ZBTB16: variants seen among roughly 807,000 people sequenced by gnomAD.
ZBTB16 encodes zinc finger and BTB domain containing 16, also known as zinc finger and BTB domain-containing protein 16.
ZBTB16 carries 8 observed loss-of-function variants against 56.8 expected under a neutral mutation model. The observed-to-expected ratio is 0.14, with a 90% CI of 0.08 to 0.25. The LOEUF is 0.25. Among genes scored for constraint, ZBTB16 ranks in the 10% least tolerant of loss-of-function variants. The pLI is 1.00. For synonymous variants in ZBTB16, 363 were observed against 368.5 expected, an observed-to-expected ratio of 0.98 and a Z score of 0.17; for missense variants, 625 against 903.0, an observed-to-expected ratio of 0.69 and a Z score of 3.95.
chr11:114,095,117 G>A (rs1020558392), intron 2 of ZBTB16, among the ~76,000 whole-genome samples: 1 of 152,234 alleles, frequency 6.6e-6, no homozygotes, highest in African/African-American at 2.4e-5. Context: ...GCACAAAGAT[G>A]TAGGAGTGGT....
intron 3 of ZBTB16, among the ~76,000 whole-genome samples, chr11:114,161,613 G>T (rs57165812): frequency 6.6e-5 from 10 of 152,190 alleles, no homozygotes; most frequent in African/African-American, 2.2e-4. Context: ...GCCACCTATG[G>T]AAGTGGGTGG....
At position 114,252,514 on chromosome 11, in the gene ZBTB16, C is replaced by G. The variant is rs1054823116; in HGVS notation, c.*1959C>G. 6.6e-6 allele frequency among the ~76,000 whole-genome samples: 1 copy of G among 152,202 alleles called. No homozygotes were observed. The highest frequency in any genetic ancestry group is 2.4e-5 in the African/African-American group (1 of 41,440). On this transcript the variant is annotated 3_prime_UTR_variant, in exon 7 of 7. Transcript: ENST00000335953. ...TCCCATTCTGCTGCTCTTCCTCCCT[C>G]TTTTCCCCAACCTCCCCCGACCCTC...
At chr11:114,249,636 G>C (rs916834214) in intron 6 of ZBTB16, among the ~76,000 whole-genome samples, 2 of 146,250 alleles carry the variant, frequency 1.4e-5, no homozygotes, top group African/African-American at 5.1e-5. Context: ...GCGGTGGCAG[G>C]CGCCTGTAGT....
intron 4 of ZBTB16, among the ~76,000 whole-genome samples, chr11:114,216,933 G>A (rs534828869): frequency 6.4e-5 from 2 of 31,346 alleles, no homozygotes; most frequent in South Asian, 1.6e-3. Context: ...TGAGTGCAGC[G>A]ATAGAGATAT....
At chr11:114,204,458 C>T (rs1943807770) in intron 4 of ZBTB16, among the ~76,000 whole-genome samples, 1 of 152,160 alleles carries the variant, frequency 6.6e-6, no homozygotes, top group South Asian at 2.1e-4. Flanking sequence ...CTTTTATTCA[C>T]AAATGGGGCT....
At chr11:114,188,511 T>C (rs2135065185) in intron 4 of ZBTB16, 1 of 152,318 alleles carries the variant, frequency 6.6e-6, no homozygotes, top group East Asian at 1.9e-4. Flanking sequence ...TTAGGGTTGT[T>C]GTGGGGATGA....
intron 2 of ZBTB16, among the ~76,000 whole-genome samples, chr11:114,083,356 C>T (rs1416114063): frequency 6.6e-6 from 1 of 152,148 alleles, no homozygotes; most frequent in Non-Finnish European, 1.5e-5. Context: ...ATCCTCCTTC[C>T]CTGCCCGAAA....
chr11:114,184,746 C>T (rs1943325160), intron 3 of ZBTB16, among the ~76,000 whole-genome samples: 1 of 152,154 alleles, frequency 6.6e-6, no homozygotes, highest in East Asian at 1.9e-4. Context: ...TAGTGTCATG[C>T]CTGGCATATA....
At chr11:114,124,557 C>CAAAAAAAAAAAAAAAAAAAAAAAA (rs1381254014) in intron 2 of ZBTB16, among the ~76,000 whole-genome samples, 3 of 41,056 alleles carry the variant, frequency 7.3e-5, no homozygotes, top group Non-Finnish European at 9.9e-5. Context: ...AAAAAAAAAC[C>CAAAAAAAAAAAAAAAAAAAAAAAA]AAAAAAAAAA....
chr11:114,156,583 C>A, intron 3 of ZBTB16, 149 bp downstream of exon 3: 1 of 769,308 alleles, frequency 1.3e-6, no homozygotes, highest in Non-Finnish European at 2.2e-6. Context: ...TCCCTCCAGG[C>A]TTATGACACA....
chr11:114,139,806 G>T (rs553038892), intron 2 of ZBTB16, among the ~76,000 whole-genome samples: 1 of 152,172 alleles, frequency 6.6e-6, no homozygotes, highest in African/African-American at 2.4e-5. Context: ...TGATATTCAC[G>T]CAAAGAATCT....
At chr11:114,088,791 T>G (rs1223719347) in intron 2 of ZBTB16, among the ~76,000 whole-genome samples, 2 of 152,236 alleles carry the variant, frequency 1.3e-5, no homozygotes, top group East Asian at 3.9e-4. Context: ...TGAAGTTTTT[T>G]CTTTTATCTT....
intron 2 of ZBTB16, among the ~76,000 whole-genome samples, chr11:114,148,802 T>G (rs1388867839): frequency 6.6e-6 from 1 of 151,900 alleles, no homozygotes; most frequent in Non-Finnish European, 1.5e-5. Flanking sequence ...TGCCTGGCTT[T>G]CTTTCTAAGA....
intron 2 of ZBTB16, among the ~76,000 whole-genome samples, chr11:114,096,594 A>G (rs1205787407): frequency 6.6e-6 from 1 of 152,030 alleles, no homozygotes; most frequent in Non-Finnish European, 1.5e-5. Flanking sequence ...CAGTAATGGC[A>G]TATTGAGACT....
rs1187516241 is a variant in ZBTB16, at chr11:114,215,284, T to C, written c.1454-26883T>C. 2.0e-5 allele frequency among the ~76,000 whole-genome samples: 3 copies of C among 152,238 alleles called. No individual in the cohort carries two copies. The South Asian group carries it at 6.2e-4, about 32-fold the overall frequency. ...AAATAACTTGTTTTAGAAGTTGGCC[T>C]TCTTGCTTCTCTTGAGTGGCCCAGG... On this transcript the variant is annotated intron_variant, in intron 4 of 6. Coordinates refer to ENST00000335953, the MANE Select transcript of ZBTB16 (RefSeq NM_006006.6).
rs147951342 is a variant in ZBTB16 at position 114,063,714 on chromosome 11, C to T, written c.414C>T (p.Ala138=). ...ACAATGACACGGAGGCCACCATGGC[C>T]GATGGCGGGGCCGAGGAAGAAGAGG... ...SDDNDTEATM[A]DGGAEEEEDR... Residue 138 remains alanine (A), a synonymous_variant, in exon 2 of 7, where the codon GCC becomes GCT. Transcript: ENST00000335953. This position sits in a 1 kb window ranked among gnomAD's most constrained non-coding sequence, Gnocchi z 6.5. 2.0e-4 allele frequency: 324 copies of T among 1,614,036 alleles called. 1 individual carries two copies. The highest frequency in any genetic ancestry group is 4.9e-4 in the Middle Eastern group (3 of 6,062).
rs17116666 is a variant in ZBTB16 at position 114,207,291 on chromosome 11, G to A, written c.1453+20253G>A. ...CAAGCAAAGGTTCCCACCTCAACCCGGATGAGTCAGAACCTCCTGCATGGG... is the reference window on the plus strand; with the variant it reads ...CAAGCAAAGGTTCCCACCTCAACCCAGATGAGTCAGAACCTCCTGCATGGG... On this transcript the variant is annotated intron_variant, in intron 4 of 6. Transcript: ENST00000335953. Among the ~76,000 whole-genome samples the A allele has an allele frequency of 7.4e-3, 1,124 of 152,134 alleles. 9 individuals are homozygous for A. Among genetic ancestry groups the A allele is most frequent in the African/African-American group, 0.023 (972 of 41,496 alleles).
At chr11:114,163,143 A>C (rs1942638894) in intron 3 of ZBTB16, among the ~76,000 whole-genome samples, 1 of 152,168 alleles carries the variant, frequency 6.6e-6, no homozygotes, top group African/African-American at 2.4e-5. Flanking sequence ...TGGCTGATGA[A>C]AAATACATTT....
Position 114,156,539 on chromosome 11 carries a change from G to T in ZBTB16, c.1366+105G>T, listed in dbSNP as rs551098472. On this transcript the variant is annotated intron_variant, in intron 3 of 6. Coordinates refer to ENST00000335953, the MANE Select transcript of ZBTB16 (RefSeq NM_006006.6). ...TGTGGCCTGCATGTCCCCACTGCCC[G>T]CTGGGGCCCTGGTCCATCTTGTTCC... 7.6e-4 allele frequency: 795 copies of T among 1,048,000 alleles called. 8 individuals are homozygous for T. The South Asian group carries it at 1.0e-2, about 13-fold the overall frequency. 64.9% of individuals were successfully genotyped at this position (1,048,000 alleles called of 1,614,324 possible). A position where few individuals can be genotyped will look rare whatever the true frequency, so the allele number is the denominator to read the frequency against.
Sources: gnomAD v4.1 joint callset for allele counts (sites outside exome capture counted in the v4.1 genomes callset) on GRCh38, gnomAD v4.1.1 for gene constraint, Gnocchi (gnomAD v3.1) non-coding constraint, MANE v1.5 for transcripts, NCBI Gene and HGNC (gene_info 2026-07-23, HGNC 2026-07-21) for gene names.